Variants in LARGE1 observed in about 807,000 individuals in gnomAD.
LARGE1 encodes LARGE xylosyl- and glucuronyltransferase 1, also known as xylosyl- and glucuronyltransferase LARGE1.
LARGE1 carries 43 observed loss-of-function variants against 87.6 expected under a neutral mutation model. That is an observed-to-expected ratio of 0.49 (90% CI 0.38 to 0.63). LARGE1 has a LOEUF of 0.63. Ranked by LOEUF, LARGE1 falls within the 30% of genes least tolerant of loss-of-function variation. The pLI, the probability that LARGE1 is intolerant of heterozygous loss-of-function variation, is 0.00. For missense variants in LARGE1, 802 were observed against 1,000.2 expected, an observed-to-expected ratio of 0.80 and a Z score of 2.67; for synonymous variants, 434 against 394.6, an observed-to-expected ratio of 1.10 and a Z score of -1.18.
At chr22:33,476,994 G>A (rs2069110476) in intron 6 of LARGE1, among the ~76,000 whole-genome samples, 1 of 152,174 alleles carries the variant, frequency 6.6e-6, no homozygotes. Flanking sequence ...TTCTGAGCCT[G>A]TCACAGTGCT....
chr22:33,447,272 A>T (rs1222267267), intron 6 of LARGE1, among the ~76,000 whole-genome samples: 1 of 152,220 alleles, frequency 6.6e-6, no homozygotes, highest in Non-Finnish European at 1.5e-5. Context: ...GTGGAAATCA[A>T]GCATTTACTT....
intron 1 of LARGE1, among the ~76,000 whole-genome samples, chr22:33,845,738 C>A (rs918601748): frequency 2.6e-5 from 4 of 152,092 alleles, no homozygotes; most frequent in African/African-American, 9.7e-5. Context: ...GTACCTATGA[C>A]CCAATATCAG....
intron 12 of LARGE1, among the ~76,000 whole-genome samples, chr22:33,286,079 C>T (rs931513208): frequency 2.6e-5 from 4 of 152,140 alleles, no homozygotes; most frequent in African/African-American, 4.8e-5. Flanking sequence ...AGAGGAGGTT[C>T]GTAAAGGACG....
intron 2 of LARGE1, among the ~76,000 whole-genome samples, chr22:33,660,750 T>C (rs2081098581): frequency 6.6e-6 from 1 of 152,264 alleles, no homozygotes; most frequent in Non-Finnish European, 1.5e-5. Context: ...CAACTGAGTG[T>C]CCTCAATGTG....
At chr22:33,351,005 C>T (rs960696221) in intron 9 of LARGE1, among the ~76,000 whole-genome samples, 35 of 152,182 alleles carry the variant, frequency 2.3e-4, no homozygotes, top group African/African-American at 8.2e-4. Context: ...CTTCCATTAG[C>T]CTTAGATTTC....
At chr22:33,782,885 A>AAAC (rs11374848) in intron 1 of LARGE1, among the ~76,000 whole-genome samples, 255 of 5,826 alleles carry the variant, frequency 0.044, 2 homozygotes, top group African/African-American at 0.26. Flanking sequence ...AATCAAGTTT[A>AAAC]AAAAAAAAAA....
At chr22:33,729,692 C>T (rs553967522) in intron 2 of LARGE1, among the ~76,000 whole-genome samples, 1 of 152,326 alleles carries the variant, frequency 6.6e-6, no homozygotes, top group South Asian at 2.1e-4. Context: ...CAGGCGCTAT[C>T]AAGGACAATG....
the LARGE1 span, among the ~76,000 whole-genome samples, chr22:33,150,934 TTTTTC>T: frequency 6.6e-6 from 1 of 152,168 alleles, no homozygotes; most frequent in South Asian, 2.1e-4. Context: ...AGTCTAGTTC[TTTTTC>T]TTTTCAATAT....
chr22:33,160,473 T>C (rs1263761677), downstream of LARGE1, among the ~76,000 whole-genome samples: 1 of 152,242 alleles, frequency 6.6e-6, no homozygotes, highest in East Asian at 1.9e-4. Context: ...CTCTACAATG[T>C]AGAATACAAT....
At chr22:33,189,374 AGGTGGTGATGG>A (rs1435095276) in intron 11 of LARGE1, among the ~76,000 whole-genome samples, 7 of 152,192 alleles carry the variant, frequency 4.6e-5, no homozygotes, top group Non-Finnish European at 8.8e-5. Context: ...TCCCTAGTCA[AGGTGGTGATGG>A]ATGACTAAAT....
At chr22:33,081,001 G>T in the LARGE1 span, among the ~76,000 whole-genome samples, 82 of 141,770 alleles carry the variant, frequency 5.8e-4, no homozygotes, top group African/African-American at 2.2e-3. Context: ...ATCCACTCTT[G>T]TAGTAATTGG....
chr22:33,101,398 GCTTT>G, the LARGE1 span, among the ~76,000 whole-genome samples: 2 of 152,140 alleles, frequency 1.3e-5, no homozygotes, highest in African/African-American at 4.8e-5. Context: ...ATCTTAGAAT[GCTTT>G]CTGAGATTTT....
chr22:33,790,728 T>C (rs1172808778), intron 1 of LARGE1, among the ~76,000 whole-genome samples: 1 of 152,192 alleles, frequency 6.6e-6, no homozygotes, highest in Non-Finnish European at 1.5e-5. Context: ...GTATCCTACC[T>C]GTCACAAAGA....
chr22:33,543,999 T>G (rs993807480), intron 6 of LARGE1, among the ~76,000 whole-genome samples: 1 of 152,214 alleles, frequency 6.6e-6, no homozygotes, highest in Non-Finnish European at 1.5e-5. Flanking sequence ...TTTTGGTATG[T>G]CCTAGAGAAT....
At chr22:33,822,625 G>A (rs563950502) in intron 1 of LARGE1, among the ~76,000 whole-genome samples, 1 of 152,300 alleles carries the variant, frequency 6.6e-6, no homozygotes, top group South Asian at 2.1e-4. Context: ...TTGAGCCCAG[G>A]AGGCGGAGGT....
chr22:33,309,183 T>C (rs1186547646), intron 11 of LARGE1, among the ~76,000 whole-genome samples: 1 of 151,924 alleles, frequency 6.6e-6, no homozygotes, highest in Non-Finnish European at 1.5e-5. Context: ...TTTTTTTTTT[T>C]TGAGACTGAG....
chr22:33,687,738 G>A (rs2074613691), intron 2 of LARGE1, among the ~76,000 whole-genome samples: 2 of 152,328 alleles, frequency 1.3e-5, no homozygotes, highest in South Asian at 4.1e-4. Context: ...CCACTCACAT[G>A]GAAGACGGAA....
intron 6 of LARGE1, among the ~76,000 whole-genome samples, chr22:33,564,435 G>T (rs1316955105): frequency 1.3e-5 from 2 of 152,144 alleles, no homozygotes; most frequent in African/African-American, 4.8e-5. Flanking sequence ...CAACGTTAAT[G>T]AAAGCAAAAG....
At chr22:33,305,560 C>T (rs1022005084) in intron 11 of LARGE1, 5 of 984,082 alleles carry the variant, frequency 5.1e-6, no homozygotes, top group Middle Eastern at 5.2e-4. Flanking sequence ...TCAGCAGTCT[C>T]CTGGTCAGAA....
Sources: allele counts gnomAD v4.1 joint callset (sites outside exome capture counted in the v4.1 genomes callset), GRCh38; gene constraint gnomAD v4.1.1; transcripts MANE v1.5; gene names NCBI Gene and HGNC (gene_info 2026-07-23, HGNC 2026-07-21).